THNSL1: variants seen among roughly 807,000 people sequenced by gnomAD.
THNSL1 encodes the protein threonine synthase-like 1.
THNSL1 carries 48 observed loss-of-function variants against 50.4 expected under a neutral mutation model. The ratio of observed to expected loss-of-function variants is 0.95; its 90% CI spans 0.76 to 1.21. THNSL1 has a LOEUF of 1.21. Ranked by LOEUF, THNSL1 falls within the 50% of genes most tolerant of loss-of-function variation. The probability of loss-of-function intolerance (pLI) is 0.00; values close to 1 mark genes in which losing one functional copy is unlikely to be tolerated. For missense variants in THNSL1, 896 were observed against 871.7 expected (o/e 1.03, Z -0.35); for synonymous variants, 309 against 306.1 (o/e 1.01, Z -0.10).
At chr10:24,991,871 C>T in the THNSL1 span, among the ~76,000 whole-genome samples, 23 of 152,304 alleles carry the variant, frequency 1.5e-4, no homozygotes, top group African/African-American at 4.3e-4. Context: ...ACGCCCACTG[C>T]GGCTTCAGGA....
chr10:24,996,446 G>GTA, the THNSL1 span, among the ~76,000 whole-genome samples: 2 of 146,908 alleles, frequency 1.4e-5, no homozygotes, highest in African/African-American at 5.4e-5. Context: ...ATGTGTGTGT[G>GTA]TGTGTGTGTG....
the THNSL1 span, among the ~76,000 whole-genome samples, chr10:24,973,732 T>C: frequency 9.2e-5 from 14 of 152,112 alleles, no homozygotes; most frequent in African/African-American, 3.4e-4. Flanking sequence ...GGTTTTTTTT[T>C]CCTTTGATTT....
chr10:25,012,071 G>A (rs1850459666), upstream of THNSL1, among the ~76,000 whole-genome samples: 1 of 152,226 alleles, frequency 6.6e-6, no homozygotes, highest in South Asian at 2.1e-4. Flanking sequence ...TAGAGCTCAG[G>A]CCATTGCTTC....
chr10:24,999,511 T>A, the THNSL1 span: 1 of 1,612,798 alleles, frequency 6.2e-7, no homozygotes, highest in South Asian at 1.1e-5. Flanking sequence ...TTTTTGCATG[T>A]CATCTTTTAC....
the THNSL1 span, among the ~76,000 whole-genome samples, chr10:24,955,305 A>C: frequency 1.3e-5 from 2 of 152,240 alleles, no homozygotes; most frequent in Non-Finnish European, 2.9e-5. Flanking sequence ...ATTACAATTC[A>C]ACATGAGATT....
At chr10:24,956,215 G>A in the THNSL1 span, among the ~76,000 whole-genome samples, 1 of 151,892 alleles carries the variant, frequency 6.6e-6, no homozygotes, top group Admixed American at 6.6e-5. Context: ...CAGGGGTTAG[G>A]TGTACAGATT....
the THNSL1 span, among the ~76,000 whole-genome samples, chr10:24,959,641 A>G: frequency 6.6e-6 from 1 of 151,966 alleles, no homozygotes; most frequent in Non-Finnish European, 1.5e-5. Context: ...ATTCAGGAAG[A>G]CTGTTGCAAA....
rs548698143 is a variant in THNSL1 at position 25,017,101 on chromosome 10, C to T, written c.-216+409C>T. Among the ~76,000 whole-genome samples, 203 of 152,330 alleles carry T rather than the reference C, an allele frequency of 1.3e-3. 1 individual carries two copies. Among genetic ancestry groups the T allele is most frequent in the Admixed American group, 0.011 (175 of 15,310 alleles). ...GCCTGCTCTTCCCCGGGTCGGGACT[C>T]TTCCTCTAGGTCGTTCTCCAGGAAC... is the stretch of plus-strand genomic sequence containing the variant. On this transcript the variant is annotated intron_variant, in intron 1 of 2. Transcript: ENST00000376356.
At chr10:25,005,221 A>T in the THNSL1 span, among the ~76,000 whole-genome samples, 1 of 152,110 alleles carries the variant, frequency 6.6e-6, no homozygotes, top group Non-Finnish European at 1.5e-5. Context: ...TTTTCTATTT[A>T]TTATTAGAAT....
intron 2 of THNSL1, 135 bp downstream of exon 2, chr10:25,022,043 T>C (rs1449894785): frequency 6.6e-6 from 1 of 152,196 alleles, no homozygotes; most frequent in Non-Finnish European, 1.5e-5. Flanking sequence ...TAGTATTTAA[T>C]ATGGTTTAGT....
the THNSL1 span, among the ~76,000 whole-genome samples, chr10:24,970,304 A>G: frequency 2.0e-5 from 3 of 152,186 alleles, no homozygotes; most frequent in African/African-American, 7.2e-5. Context: ...AAGCTACACA[A>G]ATTAAGCATT....
the THNSL1 span, chr10:24,995,713 TC>T: frequency 3.1e-6 from 5 of 1,614,100 alleles, no homozygotes; most frequent in Non-Finnish European, 4.2e-6. Context: ...AGTTCTTTTA[TC>T]AACATAAATT....
chr10:24,952,381 C>G, the THNSL1 span: 7 of 914,924 alleles, frequency 7.7e-6, no homozygotes, highest in Admixed American at 2.2e-5. This position sits in a 1 kb window ranked among gnomAD's most constrained non-coding sequence, Gnocchi z 5.1. Context: ...GGCCCGGGTC[C>G]GAGGATGGAA....
the THNSL1 span, among the ~76,000 whole-genome samples, chr10:24,979,356 A>G: frequency 1.3e-5 from 2 of 152,212 alleles, no homozygotes; most frequent in African/African-American, 4.8e-5. Context: ...ACTACAAACA[A>G]TGCAACAGAG....
At chr10:24,967,884 G>T in the THNSL1 span, among the ~76,000 whole-genome samples, 1 of 151,300 alleles carries the variant, frequency 6.6e-6, no homozygotes. Flanking sequence ...TGTGTATTTT[G>T]TGTGTGTATG....
chr10:24,959,483 C>T, the THNSL1 span, among the ~76,000 whole-genome samples: 2 of 152,192 alleles, frequency 1.3e-5, no homozygotes, highest in African/African-American at 4.8e-5. Context: ...CAACACTTCC[C>T]TAATTGTGAG....
At chr10:24,979,259 C>T in the THNSL1 span, among the ~76,000 whole-genome samples, 86 of 152,310 alleles carry the variant, frequency 5.6e-4, no homozygotes, top group African/African-American at 2.0e-3. Flanking sequence ...TGTTAATAAG[C>T]ATAGTGGGTC....
chr10:24,962,986 A>G, the THNSL1 span, among the ~76,000 whole-genome samples: 1 of 152,164 alleles, frequency 6.6e-6, no homozygotes, highest in Admixed American at 6.5e-5. Context: ...AGAAAAATCT[A>G]GTTTGCATGG....
rs1205983112 is a variant in THNSL1, at chr10:25,023,973, C to G, written c.750C>G (p.Phe250Leu). Reference sequence around the variant, plus strand: ...GTGAACAGAAGGTTTCAGCAAAATTCTTTAGTGAAGCTGTAATTGAGGGGT... The same window carrying G: ...GTGAACAGAAGGTTTCAGCAAAATTGTTTAGTGAAGCTGTAATTGAGGGGT... ...EDCEQKVSAK[F>L]FSEAVIEGLA... The change falls in exon 3 of 3, where the codon TTC (phenylalanine) becomes TTG (leucine). Residue 250 changes from phenylalanine (F) to leucine (L), a missense_variant. Coordinates refer to ENST00000376356, the MANE Select transcript of THNSL1 (RefSeq NM_024838.5). The G allele has an allele frequency of 6.2e-7, 1 of 1,614,142 alleles. No homozygotes were observed. Among genetic ancestry groups the G allele is most frequent in the Non-Finnish European group, 8.5e-7 (1 of 1,180,008 alleles).
Sources: gnomAD v4.1 joint callset for allele counts (sites outside exome capture counted in the v4.1 genomes callset) on GRCh38, gnomAD v4.1.1 for gene constraint, Gnocchi (gnomAD v3.1) non-coding constraint, MANE v1.5 for transcripts, NCBI Gene and HGNC (gene_info 2026-07-23, HGNC 2026-07-21) for gene names.